Variants in CSMD1 observed in about 807,000 individuals in gnomAD.
CSMD1 encodes CUB and sushi domain-containing protein 1.
Under a neutral mutation model 417.5 loss-of-function variants are expected in CSMD1, and 213 were observed. That is an observed-to-expected ratio of 0.51 (90% CI 0.46 to 0.57). The LOEUF (loss-of-function observed/expected upper bound fraction) is 0.57, where lower values mean the gene tolerates loss of function less well. CSMD1 is among the 20% of genes least tolerant of loss of function. The probability of loss-of-function intolerance (pLI) is 0.00; values close to 1 mark genes in which losing one functional copy is unlikely to be tolerated. For missense variants in CSMD1, 6,923 were observed against 4,529.7 expected (o/e 1.53, Z -15.17); for synonymous variants, 2,862 against 1,736.8 (o/e 1.65, Z -16.11).
intron 10 of CSMD1, among the ~76,000 whole-genome samples, chr8:3,554,163 T>G (rs545777721): frequency 6.6e-6 from 1 of 152,284 alleles, no homozygotes. Flanking sequence ...AAAAAGAAGG[T>G]AGACAAGAAG....
At position 4,336,721 on chromosome 8, in the gene CSMD1, G is replaced by A. The variant is rs139663597; in HGVS notation, c.415+83232C>T. On this transcript the variant is annotated intron_variant, in intron 3 of 69. Transcript: ENST00000635120. ...AGATGAGGCTGTGTATTCTTTCTAG[G>A]ATCCAATTACTCTGAGTTACTTGGT... is the stretch of plus-strand genomic sequence containing the variant. Among the ~76,000 whole-genome samples the A allele has an allele frequency of 2.8e-4, 43 of 152,194 alleles. 1 individual carries two copies. The East Asian group carries it at 7.4e-3, about 26-fold the overall frequency.
chr8:4,687,675 C>T (rs1456115597), intron 1 of CSMD1, among the ~76,000 whole-genome samples: 1 of 152,184 alleles, frequency 6.6e-6, no homozygotes, highest in East Asian at 1.9e-4. Flanking sequence ...TGAGCTGCCG[C>T]TGTTTTTGAT....
chr8:4,754,068 T>A (rs1811514399), intron 1 of CSMD1, among the ~76,000 whole-genome samples: 1 of 152,176 alleles, frequency 6.6e-6, no homozygotes. Context: ...ATGTATGCGT[T>A]GCTCACCATA....
chr8:4,699,481 T>C (rs1807370639), intron 1 of CSMD1, among the ~76,000 whole-genome samples: 1 of 152,196 alleles, frequency 6.6e-6, no homozygotes, highest in South Asian at 2.1e-4. Context: ...AATCCATCTG[T>C]GCTAATGAGA....
At chr8:4,576,764 T>G (rs2130679068) in intron 2 of CSMD1, among the ~76,000 whole-genome samples, 1 of 152,292 alleles carries the variant, frequency 6.6e-6, no homozygotes, top group South Asian at 2.1e-4. Flanking sequence ...TCAATATGTA[T>G]GCTAATTCAA....
intron 1 of CSMD1, among the ~76,000 whole-genome samples, chr8:4,699,341 T>G (rs961991948): frequency 1.3e-5 from 2 of 152,158 alleles, no homozygotes; most frequent in African/African-American, 4.8e-5. Context: ...CATAAGAAAA[T>G]TGTTTCCAAA....
chr8:3,302,854 G>C (rs1804523604), intron 25 of CSMD1, among the ~76,000 whole-genome samples: 1 of 152,114 alleles, frequency 6.6e-6, no homozygotes, highest in Non-Finnish European at 1.5e-5. Flanking sequence ...ACTAATCTGT[G>C]GCAACTGAAA....
intron 2 of CSMD1, among the ~76,000 whole-genome samples, chr8:4,600,916 A>C (rs2130763465): frequency 6.6e-6 from 1 of 152,160 alleles, no homozygotes; most frequent in African/African-American, 2.4e-5. Flanking sequence ...ATATTAAAGT[A>C]ATGTAAAAAT....
chr8:3,290,192 G>A (rs1341224568), intron 25 of CSMD1, among the ~76,000 whole-genome samples: 2 of 147,242 alleles, frequency 1.4e-5, no homozygotes, highest in Non-Finnish European at 2.9e-5. Context: ...CTCTATCTCT[G>A]TTTTGGTACC....
chr8:4,894,552 C>T (rs1312392664), intron 1 of CSMD1, among the ~76,000 whole-genome samples: 1 of 9,924 alleles, frequency 1.0e-4, no homozygotes, highest in African/African-American at 2.7e-4. Flanking sequence ...GAACTCATCT[C>T]AAAAAAGAAA....
chr8:3,616,933 T>C, intron 7 of CSMD1, 136 bp from the exon 8 acceptor site: 1 of 524,254 alleles, frequency 1.9e-6, no homozygotes, highest in East Asian at 3.0e-5. Flanking sequence ...TTAAGACACC[T>C]TAAATACATT....
chr8:3,967,349 T>G (rs1459000263), intron 5 of CSMD1, among the ~76,000 whole-genome samples: 1 of 152,116 alleles, frequency 6.6e-6, no homozygotes, highest in East Asian at 1.9e-4. Flanking sequence ...ATTCCGACCC[T>G]GAACTTGTAA....
At chr8:4,556,872 G>T (rs1189188359) in intron 2 of CSMD1, among the ~76,000 whole-genome samples, 1 of 152,170 alleles carries the variant, frequency 6.6e-6, no homozygotes, top group Non-Finnish European at 1.5e-5. Flanking sequence ...ATAATGCAAT[G>T]ATTCCAAACT....
chr8:4,036,224 G>A (rs1483877947), intron 3 of CSMD1, among the ~76,000 whole-genome samples: 1 of 152,156 alleles, frequency 6.6e-6, no homozygotes, highest in African/African-American at 2.4e-5. Flanking sequence ...GCATTTCTCA[G>A]AATGCATCCC....
chr8:4,826,804 A>G (rs1394995961), intron 1 of CSMD1, among the ~76,000 whole-genome samples: 1 of 152,154 alleles, frequency 6.6e-6, no homozygotes, highest in African/African-American at 2.4e-5. Flanking sequence ...GGCTTAATGT[A>G]CTTTTACCAA....
chr8:3,992,413 G>C (rs1185735957), intron 5 of CSMD1, among the ~76,000 whole-genome samples: 1 of 152,108 alleles, frequency 6.6e-6, no homozygotes, highest in Non-Finnish European at 1.5e-5. Context: ...ATTGGCTGAA[G>C]TTAAAACAAA....
chr8:3,465,405 C>A (rs1164065771), intron 12 of CSMD1, among the ~76,000 whole-genome samples: 1 of 152,108 alleles, frequency 6.6e-6, no homozygotes, highest in Non-Finnish European at 1.5e-5. Context: ...GCCTACGAGC[C>A]CGGGAATGAT....
chr8:4,059,090 G>A (rs1342654368), intron 3 of CSMD1, among the ~76,000 whole-genome samples: 2 of 152,096 alleles, frequency 1.3e-5, no homozygotes, highest in African/African-American at 4.8e-5. Context: ...ATAACAAACT[G>A]TCTCTCAGAC....
chr8:4,077,819 T>C (rs1297187758), intron 3 of CSMD1, among the ~76,000 whole-genome samples: 1 of 152,168 alleles, frequency 6.6e-6, no homozygotes, highest in Non-Finnish European at 1.5e-5. Context: ...CCATGGGAAT[T>C]TTCAGATACA....
Sources: gnomAD v4.1 joint callset for allele counts (sites outside exome capture counted in the v4.1 genomes callset) on GRCh38, gnomAD v4.1.1 for gene constraint, MANE v1.5 for transcripts, NCBI Gene and HGNC (gene_info 2026-07-23, HGNC 2026-07-21) for gene names.